The following NLGN4X variants were observed in gnomAD, a reference collection of about 807,000 sequenced individuals.
NLGN4X encodes neuroligin 4 X-linked.
In NLGN4X, 3 loss-of-function variants were observed where a neutral mutation model predicts 40.3. The ratio of observed to expected loss-of-function variants is 0.07; its 90% CI spans 0.03 to 0.19. NLGN4X has a LOEUF of 0.19. NLGN4X is among the 10% of genes least tolerant of loss of function. NLGN4X has a pLI of 1.00. For missense variants in NLGN4X, 382 were observed against 708.3 expected (o/e 0.54, Z 5.23); for synonymous variants, 270 against 306.8 (o/e 0.88, Z 1.25).
intron 2 of NLGN4X, among the ~76,000 whole-genome samples, chrX:6,097,867 C>T (rs1171368953): frequency 9.0e-6 from 1 of 111,489 alleles, no homozygotes; most frequent in Non-Finnish European, 1.9e-5. Context: ...GAATTAACAT[C>T]TAGCATTTCA....
chrX:6,193,408 C>CAAAAAAAAAAAAAAAAAAAAA (rs60328753), intron 1 of NLGN4X, among the ~76,000 whole-genome samples: 1 of 28,335 alleles, frequency 3.5e-5, no homozygotes, highest in Non-Finnish European at 5.6e-5. Context: ...GACTCCGTCT[C>CAAAAAAAAAAAAAAAAAAAAA]AAAAAAAAAA....
chrX:6,100,687 C>T (rs1408696333), intron 2 of NLGN4X, among the ~76,000 whole-genome samples: 1 of 111,682 alleles, frequency 9.0e-6, no homozygotes, highest in African/African-American at 3.3e-5. Flanking sequence ...AAACAGATAC[C>T]ATACCAACGG....
At chrX:5,917,197 G>A (rs924248753) in intron 3 of NLGN4X, among the ~76,000 whole-genome samples, 6 of 112,531 alleles carry the variant, frequency 5.3e-5, no homozygotes, top group African/African-American at 1.6e-4. Context: ...GGCTATGGCC[G>A]CACACAAAGC....
At chrX:6,085,944 G>A (rs1272541479) in intron 2 of NLGN4X, among the ~76,000 whole-genome samples, 7 of 112,258 alleles carry the variant, frequency 6.2e-5, no homozygotes, top group Non-Finnish European at 1.1e-4. Context: ...AGGGGTTAAC[G>A]ATAGGCAAAG....
At chrX:5,984,882 CTTT>C (rs1166902663) in intron 3 of NLGN4X, among the ~76,000 whole-genome samples, 1 of 112,015 alleles carries the variant, frequency 8.9e-6, no homozygotes, top group Non-Finnish European at 1.9e-5. Context: ...CCGATAGATT[CTTT>C]TAAGACAATA....
intron 3 of NLGN4X, among the ~76,000 whole-genome samples, chrX:5,960,468 A>T (rs904760749): frequency 9.0e-6 from 1 of 111,691 alleles, no homozygotes; most frequent in South Asian, 3.7e-4. Flanking sequence ...TATTTCAAAG[A>T]ACTTACTTAA....
At chrX:6,022,492 G>T (rs1010699478) in intron 3 of NLGN4X, among the ~76,000 whole-genome samples, 23 of 111,977 alleles carry the variant, frequency 2.1e-4, no homozygotes, top group Admixed American at 1.9e-3. Context: ...CCAAAGGGGA[G>T]AAGAACATAC....
At chrX:6,047,932 T>C (rs2037369931) in intron 2 of NLGN4X, among the ~76,000 whole-genome samples, 1 of 111,444 alleles carries the variant, frequency 9.0e-6, no homozygotes, top group Non-Finnish European at 1.9e-5. Flanking sequence ...AAGCCAAACA[T>C]GCTCAAAGCA....
intron 1 of NLGN4X, among the ~76,000 whole-genome samples, chrX:6,156,551 T>C (rs752691381): frequency 1.8e-5 from 2 of 112,102 alleles, no homozygotes; most frequent in Non-Finnish European, 3.8e-5. Context: ...AATGAAATCA[T>C]GTCCTTTGCA....
chrX:6,091,377 T>C (rs1391240901), intron 2 of NLGN4X, among the ~76,000 whole-genome samples: 1 of 111,534 alleles, frequency 9.0e-6, no homozygotes, highest in Non-Finnish European at 1.9e-5. Context: ...TTGATTCATC[T>C]GCACTGCTAC....
chrX:6,193,350 A>G (rs915451971), intron 1 of NLGN4X, among the ~76,000 whole-genome samples: 2 of 97,648 alleles, frequency 2.0e-5, no homozygotes, highest in Non-Finnish European at 4.0e-5. Context: ...CAGAGCTTGC[A>G]GTGAGCGGAG....
At chrX:6,108,263 T>C (rs2039073921) in intron 2 of NLGN4X, among the ~76,000 whole-genome samples, 1 of 112,385 alleles carries the variant, frequency 8.9e-6, no homozygotes, top group South Asian at 3.7e-4. Flanking sequence ...CACCAAAGCC[T>C]TCTCACAGAA....
chrX:6,133,136 G>A (rs1200875637), intron 2 of NLGN4X, among the ~76,000 whole-genome samples: 1 of 100,327 alleles, frequency 1.0e-5, no homozygotes, highest in Non-Finnish European at 2.0e-5. Flanking sequence ...CATCACCATC[G>A]TCATCACGAT....
Position 5,891,266 on chromosome X carries a change from G to T in NLGN4X, c.*1551C>A. ...TCAGTGAAGTTATCCTAATTTCCCAGAAAACCCATGCAAAGCAGTTTTAAT... is the reference window on the plus strand; with the variant it reads ...TCAGTGAAGTTATCCTAATTTCCCATAAAACCCATGCAAAGCAGTTTTAAT... On this transcript the variant is annotated 3_prime_UTR_variant, in exon 6 of 6. Transcript: ENST00000381095. The T allele has an allele frequency of 4.2e-6, 1 of 235,428 alleles. No homozygotes were observed. The highest frequency in any genetic ancestry group is 7.7e-6 in the Non-Finnish European group (1 of 130,173). 19.4% of individuals were successfully genotyped at this position (235,428 alleles called of 1,213,427 possible). A position where few individuals can be genotyped will look rare whatever the true frequency, so the allele number is the denominator to read the frequency against.
intron 2 of NLGN4X, among the ~76,000 whole-genome samples, chrX:6,048,733 C>T (rs1013836655): frequency 2.7e-5 from 3 of 109,887 alleles, no homozygotes; most frequent in Non-Finnish European, 5.7e-5. Flanking sequence ...CCTCAGCAAA[C>T]TAATGCAGGA....
chrX:5,944,472 C>T (rs768210764), intron 3 of NLGN4X, among the ~76,000 whole-genome samples: 1 of 109,213 alleles, frequency 9.2e-6, no homozygotes, highest in African/African-American at 3.3e-5. Flanking sequence ...CAGATCAAGA[C>T]TGTCTCTTAA....
chrX:6,027,845 C>T (rs1164012891), intron 3 of NLGN4X, among the ~76,000 whole-genome samples: 8 of 102,459 alleles, frequency 7.8e-5, no homozygotes, highest in African/African-American at 1.1e-4. Context: ...TGAGAAAAGT[C>T]TCACTCGGTC....
chrX:5,938,966 CGTGTGTGTGTGTGTGT>C (rs60927853), intron 3 of NLGN4X, among the ~76,000 whole-genome samples: 1 of 101,947 alleles, frequency 9.8e-6, no homozygotes, highest in Non-Finnish European at 2.0e-5. Flanking sequence ...TGTGTGTGTG[CGTGTGTGTGTGTGTGT>C]GTGTGTGTGT....
intron 2 of NLGN4X, among the ~76,000 whole-genome samples, chrX:6,068,363 G>A (rs1228810211): frequency 9.0e-6 from 1 of 110,956 alleles, no homozygotes; most frequent in Non-Finnish European, 1.9e-5. Flanking sequence ...CCACATGCAG[G>A]CAGGGGGCAA....
Sources: allele counts gnomAD v4.1 joint callset (sites outside exome capture counted in the v4.1 genomes callset), GRCh38; gene constraint gnomAD v4.1.1; transcripts MANE v1.5; gene names NCBI Gene and HGNC (gene_info 2026-07-23, HGNC 2026-07-21).